Variants in CFAP54 observed in about 807,000 individuals in gnomAD.
CFAP54 encodes cilia- and flagella-associated protein 54.
In CFAP54, 290 loss-of-function variants were observed where a neutral mutation model predicts 370.4. That is an observed-to-expected ratio of 0.78 (90% CI 0.71 to 0.86). CFAP54 has a LOEUF of 0.86. Ranked by LOEUF, CFAP54 falls within the 40% of genes least tolerant of loss-of-function variation. CFAP54 has a pLI of 0.00. For synonymous variants in CFAP54, 1,206 were observed against 1,236.5 expected, an observed-to-expected ratio of 0.98 and a Z score of 0.52; for missense variants, 3,399 against 3,528.7, an observed-to-expected ratio of 0.96 and a Z score of 0.93.
At chr12:96,576,896 C>A in intron 20 of CFAP54, 135 bp downstream of exon 20, 1 of 718,758 alleles carries the variant, frequency 1.4e-6, no homozygotes, top group South Asian at 2.2e-5. Context: ...ATTAATATTC[C>A]AATGTCTTAT....
chr12:96,854,220 C>T (rs1048037946), intron 66 of CFAP54, among the ~76,000 whole-genome samples: 6 of 151,958 alleles, frequency 3.9e-5, no homozygotes, highest in Admixed American at 3.3e-4. Context: ...AGAGATACAA[C>T]CATAATAATC....
chr12:96,539,756 TA>T (rs1955550574), intron 13 of CFAP54, among the ~76,000 whole-genome samples: 1 of 152,044 alleles, frequency 6.6e-6, no homozygotes, highest in African/African-American at 2.4e-5. Context: ...AGAAGATTAA[TA>T]ATAGAGAATA....
At chr12:96,548,634 T>C (rs1311661532) in intron 15 of CFAP54, among the ~76,000 whole-genome samples, 6 of 152,176 alleles carry the variant, frequency 3.9e-5, no homozygotes, top group African/African-American at 1.4e-4. Context: ...CTGAGTACTT[T>C]ATGCTGTCTT....
chr12:96,630,003 C>A, intron 30 of CFAP54, 90 bp from the exon 31 acceptor site: 1 of 546,922 alleles, frequency 1.8e-6, no homozygotes, highest in Non-Finnish European at 3.2e-6. Flanking sequence ...TTCTTGTATA[C>A]TTTCAGTGAA....
intron 46 of CFAP54, among the ~76,000 whole-genome samples, chr12:96,703,828 T>C (rs562167985): frequency 2.7e-4 from 41 of 152,218 alleles, no homozygotes; most frequent in African/African-American, 9.6e-4. Context: ...CCAGACTCTT[T>C]CAATTTTCTC....
chr12:96,586,197 G>A (rs959513941), intron 22 of CFAP54, among the ~76,000 whole-genome samples: 3 of 152,160 alleles, frequency 2.0e-5, no homozygotes, highest in Admixed American at 6.5e-5. Context: ...CACTGCCAGA[G>A]TTTATGATTC....
chr12:96,789,589 T>C (rs1958664912), intron 62 of CFAP54, among the ~76,000 whole-genome samples: 1 of 152,208 alleles, frequency 6.6e-6, no homozygotes, highest in African/African-American at 2.4e-5. Flanking sequence ...TAAATACTGT[T>C]CTACAAGGAG....
intron 22 of CFAP54, among the ~76,000 whole-genome samples, chr12:96,587,792 T>C (rs528211867): frequency 7.9e-5 from 12 of 152,154 alleles, no homozygotes; most frequent in Non-Finnish European, 1.6e-4. Context: ...TAATTATATA[T>C]TTTAATTATA....
At chr12:96,553,593 A>C (rs936090087) in intron 15 of CFAP54, among the ~76,000 whole-genome samples, 5 of 148,338 alleles carry the variant, frequency 3.4e-5, no homozygotes, top group Non-Finnish European at 7.4e-5. Flanking sequence ...ACATGCATAT[A>C]TCTGTATGCT....
chr12:96,783,794 G>A (rs1202710194), intron 60 of CFAP54, among the ~76,000 whole-genome samples: 1 of 152,198 alleles, frequency 6.6e-6, no homozygotes, highest in Non-Finnish European at 1.5e-5. Context: ...GCTGAGGCAG[G>A]AGAATTGCTT....
chr12:96,517,083 C>A (rs1304787153), intron 5 of CFAP54, among the ~76,000 whole-genome samples: 3 of 150,022 alleles, frequency 2.0e-5, no homozygotes, highest in Non-Finnish European at 4.4e-5. Flanking sequence ...TTATTTGTAG[C>A]TTTTAAGGGT....
chr12:96,613,220 C>T (rs1046182957), intron 26 of CFAP54, among the ~76,000 whole-genome samples: 1 of 152,188 alleles, frequency 6.6e-6, no homozygotes, highest in Non-Finnish European at 1.5e-5. Flanking sequence ...AAAACTCACT[C>T]AAAACTGCTT....
At chr12:96,500,749 A>G in intron 1 of CFAP54, 85 bp from the exon 2 acceptor site, 1 of 825,642 alleles carries the variant, frequency 1.2e-6, no homozygotes, top group Non-Finnish European at 1.9e-6. Flanking sequence ...CTTTAGCATA[A>G]GGTAAGTTTT....
chr12:96,549,290 T>G (rs7959797), intron 15 of CFAP54, among the ~76,000 whole-genome samples: 27,615 of 152,162 alleles, frequency 0.18, 4,117 homozygotes, highest in East Asian at 0.51. Context: ...CCTTGAGAGA[T>G]AAATTTTCTG....
At position 96,547,944 on chromosome 12, in the gene CFAP54, CA is replaced by C. The variant is rs1299919194; in HGVS notation, c.2124del (p.Ile710SerfsTer30). 3 of 1,498,456 alleles carry C rather than the reference CA, an allele frequency of 2.0e-6. No individual in the cohort carries two copies. Among genetic ancestry groups the C allele is most frequent in the Non-Finnish European group, 2.7e-6 (3 of 1,124,864 alleles). The allele number at this position is 1,498,456 out of a possible 1,614,324, so 92.8% of individuals were successfully genotyped here. On this transcript the variant is annotated frameshift_variant, in exon 15 of 68. Coordinates refer to ENST00000524981, the MANE Select transcript of CFAP54 (RefSeq NM_001306084.2). LOFTEE classifies it high-confidence loss of function. ...REGTNKFPGAPKGITEILPIL... is the reference protein window; with the variant it reads ...REGTNKFPGAXKGITEILPIL... ...GGGACTAACAAATTCCCTGGAGCTCCAAAAGGGATCACAGAAATTCTTCCAA... is the reference window on the plus strand; with the variant it reads ...GGGACTAACAAATTCCCTGGAGCTCCAAAGGGATCACAGAAATTCTTCCAA...
In CFAP54 at chr12:96,506,565, C is replaced by G. The variant is rs1416110455; in HGVS notation, c.568-363C>G. ...CTTTCCTAAGTTATTTCTATTTCTT[C>G]CTTCTTTTTCTTTCTTTTCTTTTCT... On this transcript the variant is annotated intron_variant, in intron 3 of 67. Transcript: ENST00000524981. 4.0e-5 allele frequency among the ~76,000 whole-genome samples: 6 copies of G among 148,418 alleles called. No homozygotes were observed. The Admixed American group carries it at 4.1e-4, about 10-fold the overall frequency.
intron 63 of CFAP54, 100 bp downstream of exon 63, chr12:96,792,599 A>T: frequency 1.2e-6 from 1 of 857,110 alleles, no homozygotes; most frequent in South Asian, 2.2e-5. Flanking sequence ...TATCATATAG[A>T]TGAGAACAGG....
At chr12:96,618,230 C>A (rs1368653783) in intron 26 of CFAP54, among the ~76,000 whole-genome samples, 6 of 152,092 alleles carry the variant, frequency 3.9e-5, no homozygotes, top group Non-Finnish European at 8.8e-5. Flanking sequence ...TGCATCTTGC[C>A]AATGGCAACT....
chr12:96,505,237 T>C (rs1291272658), intron 3 of CFAP54, among the ~76,000 whole-genome samples: 1 of 151,886 alleles, frequency 6.6e-6, no homozygotes, highest in Admixed American at 6.6e-5. Context: ...CTAATTTTTG[T>C]ATTTTTAGTA....
Sources: allele counts gnomAD v4.1 joint callset (sites outside exome capture counted in the v4.1 genomes callset), GRCh38; gene constraint gnomAD v4.1.1; transcripts MANE v1.5; gene names NCBI Gene and HGNC (gene_info 2026-07-23, HGNC 2026-07-21).